Variants in GRB14 observed in about 807,000 individuals in gnomAD.
GRB14 encodes growth factor receptor bound protein 14, also known as growth factor receptor-bound protein 14.
In GRB14, 38 loss-of-function variants were observed where a neutral mutation model predicts 69.1. The observed-to-expected ratio is 0.55, with a 90% CI of 0.42 to 0.72. The LOEUF (loss-of-function observed/expected upper bound fraction) is 0.72, where lower values mean the gene tolerates loss of function less well. Ranked by LOEUF, GRB14 falls within the 30% of genes least tolerant of loss-of-function variation. The probability of loss-of-function intolerance (pLI) is 0.00; values close to 1 mark genes in which losing one functional copy is unlikely to be tolerated. For synonymous variants in GRB14, 247 were observed against 241.3 expected (o/e 1.02, Z -0.22); for missense variants, 666 against 666.1 (o/e 1.00, Z 0.00).
intron 2 of GRB14, among the ~76,000 whole-genome samples, chr2:164,579,698 T>C (rs907388902): frequency 3.3e-5 from 5 of 151,982 alleles, no homozygotes; most frequent in South Asian, 4.2e-4. Context: ...ATTTTTTTTT[T>C]CCTCAACCAT....
At chr2:164,532,704 G>A (rs1218610008) in intron 3 of GRB14, among the ~76,000 whole-genome samples, 1 of 152,106 alleles carries the variant, frequency 6.6e-6, no homozygotes, top group East Asian at 1.9e-4. Context: ...ATCTCCCTAA[G>A]GTTCTTGGAA....
At chr2:164,611,025 T>A (rs6747829) in intron 2 of GRB14, among the ~76,000 whole-genome samples, 22,619 of 151,456 alleles carry the variant, frequency 0.15, 1,833 homozygotes, top group Non-Finnish European at 0.16. Context: ...AGAAAACAGC[T>A]ACGATAAAGC....
chr2:164,611,517 A>G (rs1690166495), intron 2 of GRB14, among the ~76,000 whole-genome samples: 1 of 151,754 alleles, frequency 6.6e-6, no homozygotes, highest in Admixed American at 6.6e-5. Context: ...GAGAATTCAG[A>G]GGTTACGACC....
At chr2:164,495,600 G>T (rs1304888425) in intron 12 of GRB14, among the ~76,000 whole-genome samples, 1 of 152,154 alleles carries the variant, frequency 6.6e-6, no homozygotes, top group Non-Finnish European at 1.5e-5. Flanking sequence ...CCGTGTAAAT[G>T]ATCCCCACTG....
intron 2 of GRB14, among the ~76,000 whole-genome samples, chr2:164,607,421 T>C (rs13026528): frequency 3.9e-5 from 6 of 152,220 alleles, no homozygotes; most frequent in Non-Finnish European, 5.9e-5. Context: ...TATGTTCTAC[T>C]GGGAAAAGGC....
intron 2 of GRB14, among the ~76,000 whole-genome samples, chr2:164,593,160 T>G (rs1363894387): frequency 6.6e-6 from 1 of 152,146 alleles, no homozygotes. Flanking sequence ...AGTAAGTACA[T>G]GGGGATGTAT....
chr2:164,617,570 C>G (rs1486917707), intron 2 of GRB14, among the ~76,000 whole-genome samples: 2 of 152,054 alleles, frequency 1.3e-5, no homozygotes, highest in Non-Finnish European at 2.9e-5. Context: ...TCTTTTGTCC[C>G]CTATACTAAC....
intron 6 of GRB14, among the ~76,000 whole-genome samples, chr2:164,516,304 G>T (rs115321128): frequency 1.8e-4 from 28 of 152,102 alleles, no homozygotes; most frequent in African/African-American, 5.8e-4. Flanking sequence ...AATCTTAAGA[G>T]CTATGAGGCA....
chr2:164,553,583 T>C (rs1264469314), intron 2 of GRB14, among the ~76,000 whole-genome samples: 1 of 152,218 alleles, frequency 6.6e-6, no homozygotes, highest in Non-Finnish European at 1.5e-5. Flanking sequence ...ATCTCTTAGA[T>C]ATAGTCTGTA....
intron 2 of GRB14, among the ~76,000 whole-genome samples, chr2:164,592,821 C>G (rs982776806): frequency 2.0e-4 from 30 of 152,236 alleles, no homozygotes; most frequent in African/African-American, 6.5e-4. Flanking sequence ...TTCTACATAA[C>G]CACCTCCATG....
intron 3 of GRB14, among the ~76,000 whole-genome samples, chr2:164,540,945 T>C (rs765604127): frequency 1.3e-5 from 2 of 151,966 alleles, no homozygotes; most frequent in Non-Finnish European, 2.9e-5. Flanking sequence ...AGTAAAAAAC[T>C]ACAAATACTC....
intron 2 of GRB14, 36 bp from the exon 3 acceptor site, chr2:164,547,852 T>C (rs1237051841): frequency 7.4e-5 from 109 of 1,473,912 alleles, no homozygotes; most frequent in Non-Finnish European, 1.0e-4. Context: ...ACCTAAAATA[T>C]TCCTGTTTGT....
intron 8 of GRB14, among the ~76,000 whole-genome samples, chr2:164,505,663 T>C (rs1184012857): frequency 6.6e-6 from 1 of 152,212 alleles, no homozygotes; most frequent in Non-Finnish European, 1.5e-5. Flanking sequence ...ATATACTTAA[T>C]GCATATATAT....
At chr2:164,502,775 G>T (rs1179847175) in intron 8 of GRB14, among the ~76,000 whole-genome samples, 2 of 152,010 alleles carry the variant, frequency 1.3e-5, no homozygotes, top group Non-Finnish European at 2.9e-5. Flanking sequence ...AATGACTAAT[G>T]ATTTACTTTC....
chr2:164,599,309 G>A (rs1352312820), intron 2 of GRB14, among the ~76,000 whole-genome samples: 5 of 10,176 alleles, frequency 4.9e-4, no homozygotes, highest in Non-Finnish European at 1.1e-3. Flanking sequence ...CCAAAGTATC[G>A]TATGGGTAAA....
At chr2:164,521,887 C>A in intron 6 of GRB14, 93 bp downstream of exon 6, 1 of 1,149,026 alleles carries the variant, frequency 8.7e-7, no homozygotes, top group Non-Finnish European at 1.3e-6. Context: ...CCTTTGACAT[C>A]AAGTAATAAA....
intron 3 of GRB14, among the ~76,000 whole-genome samples, chr2:164,533,455 C>T (rs1315214280): frequency 1.3e-5 from 2 of 151,862 alleles, no homozygotes; most frequent in Non-Finnish European, 1.5e-5. Context: ...CTCTTGACCT[C>T]GTGATCCGCC....
chr2:164,514,294 A>G (rs1315856399), intron 6 of GRB14, among the ~76,000 whole-genome samples: 2 of 152,188 alleles, frequency 1.3e-5, no homozygotes, highest in Non-Finnish European at 2.9e-5. Flanking sequence ...AGGAACATAC[A>G]AGGAAAGCCA....
chr2:164,513,899 C>T (rs1003695822), intron 6 of GRB14, among the ~76,000 whole-genome samples: 2 of 152,134 alleles, frequency 1.3e-5, no homozygotes, highest in African/African-American at 4.8e-5. Flanking sequence ...GACACCAATG[C>T]GTTGCATAAA....
Sources: allele counts gnomAD v4.1 joint callset (sites outside exome capture counted in the v4.1 genomes callset), GRCh38; gene constraint gnomAD v4.1.1; transcripts MANE v1.5; gene names NCBI Gene and HGNC (gene_info 2026-07-23, HGNC 2026-07-21).